Variants in ADAM12 observed in about 807,000 individuals in gnomAD.
ADAM12 encodes the protein disintegrin and metalloproteinase domain-containing protein 12.
ADAM12 carries 70 observed loss-of-function variants against 106.4 expected under a neutral mutation model. That is an observed-to-expected ratio of 0.66 (90% CI 0.54 to 0.80). The LOEUF is 0.80. Ranked by LOEUF, ADAM12 falls within the 30% of genes least tolerant of loss-of-function variation. ADAM12 has a pLI of 0.00. For synonymous variants in ADAM12, 420 were observed against 433.5 expected, an observed-to-expected ratio of 0.97 and a Z score of 0.39; for missense variants, 1,010 against 1,171.9, an observed-to-expected ratio of 0.86 and a Z score of 2.02.
At chr10:126,331,234 T>C (rs1854501193) in intron 1 of ADAM12, among the ~76,000 whole-genome samples, 1 of 152,182 alleles carries the variant, frequency 6.6e-6, no homozygotes, top group African/African-American at 2.4e-5. Flanking sequence ...ACAAATACGC[T>C]AATTTCTCTG....
intron 14 of ADAM12, among the ~76,000 whole-genome samples, chr10:126,061,932 C>G (rs1954764301): frequency 6.6e-6 from 1 of 152,190 alleles, no homozygotes; most frequent in South Asian, 2.1e-4. Context: ...AACTGGAAAC[C>G]AGGCGGAAAC....
intron 3 of ADAM12, among the ~76,000 whole-genome samples, chr10:126,247,725 G>A (rs957635109): frequency 1.3e-5 from 2 of 152,178 alleles, no homozygotes; most frequent in African/African-American, 4.8e-5. Flanking sequence ...AAAAATGTCA[G>A]CCATGAATAA....
At chr10:126,322,012 T>G (rs1368647964) in intron 2 of ADAM12, among the ~76,000 whole-genome samples, 6 of 152,080 alleles carry the variant, frequency 3.9e-5, no homozygotes, top group Non-Finnish European at 8.8e-5. Context: ...CTAGGGGTTA[T>G]AAACTATGGC....
chr10:126,129,394 C>T (rs562550670), intron 5 of ADAM12, among the ~76,000 whole-genome samples: 1 of 152,344 alleles, frequency 6.6e-6, no homozygotes, highest in South Asian at 2.1e-4. Flanking sequence ...GATGCCCCAG[C>T]AGGAGCATGA....
chr10:126,224,190 C>T (rs971533028), intron 3 of ADAM12, among the ~76,000 whole-genome samples: 1 of 152,048 alleles, frequency 6.6e-6, no homozygotes, highest in African/African-American at 2.4e-5. Flanking sequence ...GAGGGCCTGA[C>T]TTGGGGCCCC....
chr10:126,302,273 T>C (rs1565201026), intron 2 of ADAM12, among the ~76,000 whole-genome samples: 1 of 152,232 alleles, frequency 6.6e-6, no homozygotes, highest in Non-Finnish European at 1.5e-5. Flanking sequence ...GGACTATCCT[T>C]TTACAAGATG....
chr10:126,041,800 GA>G, intron 18 of ADAM12: 1 of 1,138,726 alleles, frequency 8.8e-7, no homozygotes, highest in Non-Finnish European at 1.1e-6. Context: ...GAGGCTCAGT[GA>G]AAGGCCAGAC....
rs1485023323 is a variant in ADAM12, at chr10:126,126,731, G to T, written c.417-8507C>A. Among the ~76,000 whole-genome samples the T allele has an allele frequency of 2.6e-5, 4 of 152,002 alleles. No homozygotes were observed. In the East Asian group the frequency reaches 5.8e-4, roughly 22 times the overall value. ...GGGAGGCAATTTTCAAATCTAAGAG[G>T]GGGGTTGAACAAGGATGGTGATAGA... On this transcript the variant is annotated intron_variant, in intron 5 of 22. Coordinates refer to ENST00000448723, the MANE Select transcript of ADAM12 (RefSeq NM_001288973.2).
intron 3 of ADAM12, among the ~76,000 whole-genome samples, chr10:126,268,806 A>G (rs1212365312): frequency 6.6e-6 from 1 of 152,200 alleles, no homozygotes; most frequent in African/African-American, 2.4e-5. Context: ...GTAAGAATGT[A>G]GCAGAATCTG....
intron 2 of ADAM12, among the ~76,000 whole-genome samples, chr10:126,309,317 GCTCT>G (rs2133812936): frequency 6.6e-6 from 1 of 152,306 alleles, no homozygotes; most frequent in African/African-American, 2.4e-5. Context: ...ATGAAGGTCG[GCTCT>G]CTCTGAGGGC....
intron 1 of ADAM12, among the ~76,000 whole-genome samples, chr10:126,344,046 T>C (rs1590805987): frequency 6.6e-6 from 1 of 152,352 alleles, no homozygotes; most frequent in East Asian, 1.9e-4. Context: ...TTTGTCAATT[T>C]TGGCTTTTGT....
At chr10:126,243,969 G>A (rs1460661037) in intron 3 of ADAM12, among the ~76,000 whole-genome samples, 3 of 152,116 alleles carry the variant, frequency 2.0e-5, no homozygotes, top group Non-Finnish European at 2.9e-5. Flanking sequence ...AAAATCCGGG[G>A]GATGACATTG....
chr10:126,227,656 T>A (rs1038678102), intron 3 of ADAM12, among the ~76,000 whole-genome samples: 1 of 152,142 alleles, frequency 6.6e-6, no homozygotes, highest in African/African-American at 2.4e-5. Flanking sequence ...CTGGCCCAGA[T>A]AAGAAGATGG....
chr10:126,186,836 T>C (rs988285837), intron 3 of ADAM12, among the ~76,000 whole-genome samples: 57 of 152,336 alleles, frequency 3.7e-4, no homozygotes, highest in African/African-American at 1.3e-3. Context: ...TTCTGCAGGA[T>C]GGACAGCGAA....
chr10:126,155,448 G>GA, intron 3 of ADAM12, 143 bp from the exon 4 acceptor site: 1 of 688,942 alleles, frequency 1.5e-6, no homozygotes, highest in Non-Finnish European at 2.4e-6. Flanking sequence ...TCCCATTAGG[G>GA]CCTTCCCAGT....
At chr10:126,317,958 G>C (rs1048055479) in intron 2 of ADAM12, among the ~76,000 whole-genome samples, 2 of 152,050 alleles carry the variant, frequency 1.3e-5, no homozygotes, top group African/African-American at 4.8e-5. Flanking sequence ...CTTGAGATCT[G>C]TTTCTTTTAT....
chr10:126,201,945 T>G (rs2930126), intron 3 of ADAM12, among the ~76,000 whole-genome samples: 63,957 of 151,990 alleles, frequency 0.42, 13,718 homozygotes, highest in Admixed American at 0.46. Context: ...GTCGTTCACA[T>G]AAAGAACGTC....
chr10:126,135,702 A>G (rs1310374257), intron 4 of ADAM12, 42 bp from the exon 5 acceptor site: 2 of 1,562,670 alleles, frequency 1.3e-6, no homozygotes, highest in Non-Finnish European at 1.8e-6. Flanking sequence ...GTTATAACAC[A>G]TTTTTGCCCA....
Position 126,271,786 on chromosome 10 carries a change from C to A in ADAM12, c.260+7129G>T, listed in dbSNP as rs117020418. ...GTCTCAAACAAATGAAAAGCAGAAT[C>A]TTATCATGTCATTGTTCTGCCTACA... is the stretch of plus-strand genomic sequence containing the variant. On this transcript the variant is annotated intron_variant, in intron 3 of 22. Coordinates refer to ENST00000448723, the MANE Select transcript of ADAM12 (RefSeq NM_001288973.2). 7.0e-3 allele frequency among the ~76,000 whole-genome samples: 1,067 copies of A among 152,302 alleles called. 5 individuals are homozygous for A. The highest frequency in any genetic ancestry group is 0.017 in the Middle Eastern group (5 of 294).
Sources: gnomAD v4.1 joint callset for allele counts (sites outside exome capture counted in the v4.1 genomes callset) on GRCh38, gnomAD v4.1.1 for gene constraint, MANE v1.5 for transcripts, NCBI Gene and HGNC (gene_info 2026-07-23, HGNC 2026-07-21) for gene names.